Variants in NT5C observed in about 807,000 individuals in gnomAD.
The protein encoded by NT5C is 5'(3')-deoxyribonucleotidase, cytosolic type.
In NT5C, 14 loss-of-function variants were observed where a neutral mutation model predicts 17.6. The ratio of observed to expected loss-of-function variants is 0.79; its 90% CI spans 0.52 to 1.24. NT5C has a LOEUF of 1.24. NT5C is among the 50% of genes most tolerant of loss of function. The pLI, the probability that NT5C is intolerant of heterozygous loss-of-function variation, is 0.00. For synonymous variants in NT5C, 153 were observed against 119.2 expected, an observed-to-expected ratio of 1.28 and a Z score of -1.85; for missense variants, 328 against 278.3, an observed-to-expected ratio of 1.18 and a Z score of -1.27.
intron 1 of NT5C, 31 bp downstream of exon 1, chr17:75,131,503 C>T: frequency 7.0e-7 from 1 of 1,429,168 alleles, no homozygotes; most frequent in Admixed American, 3.0e-5. Context: ...GCGAGCGGGC[C>T]CTGCCCGGGT....
Position 75,130,856 on chromosome 17 carries a change from C to A in NT5C, c.348G>T (p.Val116=). The A allele has an allele frequency of 6.2e-7, 1 of 1,614,142 alleles. No individual in the cohort carries two copies. Among genetic ancestry groups the A allele is most frequent in the Non-Finnish European group, 8.5e-7 (1 of 1,180,010 alleles). ...HHCVGEKYRW[V]EQHLGPQFVE... ...CGAACTGGGGCCCCAGGTGCTGCTCCACCCAGCGGTACTGTGTAGAAAACA... is the reference window on the plus strand; with the variant it reads ...CGAACTGGGGCCCCAGGTGCTGCTCAACCCAGCGGTACTGTGTAGAAAACA... Residue 116 remains valine, a synonymous_variant, in exon 4 of 5, where the codon GTG becomes GTT. Coordinates refer to ENST00000245552, the MANE Select transcript of NT5C (RefSeq NM_014595.3).
Sources: gnomAD v4.1 joint callset for allele counts on GRCh38, gnomAD v4.1.1 for gene constraint, MANE v1.5 for transcripts, NCBI Gene and HGNC (gene_info 2026-07-23, HGNC 2026-07-21) for gene names.